NANOS3: variants seen among roughly 807,000 people sequenced by gnomAD.
NANOS3 encodes the protein nanos homolog 3.
A neutral mutation model predicts 13.8 loss-of-function variants in NANOS3; 11 were observed. The ratio of observed to expected loss-of-function variants is 0.80; its 90% CI spans 0.50 to 1.32. The LOEUF (loss-of-function observed/expected upper bound fraction) is 1.32, where lower values mean the gene tolerates loss of function less well. NANOS3 is among the 40% of genes most tolerant of loss of function. The pLI, the probability that NANOS3 is intolerant of heterozygous loss-of-function variation, is 0.00. For synonymous variants in NANOS3, 119 were observed against 115.4 expected (o/e 1.03, Z -0.20); for missense variants, 221 against 263.8 (o/e 0.84, Z 1.12).
chr19:13,879,989 G>A (rs531221589), intron 1 of NANOS3, among the ~76,000 whole-genome samples: 1 of 152,292 alleles, frequency 6.6e-6, no homozygotes, highest in South Asian at 2.1e-4. Context: ...TCACGTCACT[G>A]CACTCCAGCC....
At chr19:13,870,834 C>T (rs569742232) in intron 1 of NANOS3, among the ~76,000 whole-genome samples, 1 of 151,906 alleles carries the variant, frequency 6.6e-6, no homozygotes, top group African/African-American at 2.4e-5. Context: ...CCCGCCTCGG[C>T]CTCCCAAAGT....
upstream of NANOS3, among the ~76,000 whole-genome samples, chr19:13,863,918 C>T (rs113425845): frequency 1.1e-3 from 161 of 151,996 alleles, 2 homozygotes; most frequent in Middle Eastern, 0.014. Flanking sequence ...GAGGGGTGCG[C>T]GATCAGGTGG....
At chr19:13,865,784 G>A (rs1976227816) in intron 1 of NANOS3, among the ~76,000 whole-genome samples, 2 of 150,792 alleles carry the variant, frequency 1.3e-5, no homozygotes, top group African/African-American at 4.9e-5. Context: ...GCGATGGGGG[G>A]CGTGGGGACA....
At chr19:13,870,947 C>T (rs552933605) in intron 1 of NANOS3, among the ~76,000 whole-genome samples, 4 of 151,930 alleles carry the variant, frequency 2.6e-5, no homozygotes, top group African/African-American at 7.2e-5. Context: ...CCCAGAAAGA[C>T]CCTCCCAGCT....
upstream of NANOS3, among the ~76,000 whole-genome samples, chr19:13,863,789 C>A (rs543472356): frequency 6.6e-6 from 1 of 152,098 alleles, no homozygotes; most frequent in African/African-American, 2.4e-5. Context: ...CATCCACTCT[C>A]CTGGACCTGG....
At chr19:13,872,432 C>G (rs749311024), upstream of NANOS3, among the ~76,000 whole-genome samples, 6 of 152,004 alleles carry the variant, frequency 3.9e-5, no homozygotes, top group Non-Finnish European at 8.8e-5. Flanking sequence ...TCCAGCCATC[C>G]TCCTGCCTCC....
chr19:13,870,241 G>T (rs1243529829), intron 1 of NANOS3, among the ~76,000 whole-genome samples: 2 of 151,904 alleles, frequency 1.3e-5, no homozygotes, highest in African/African-American at 4.8e-5. Flanking sequence ...CACCACACCC[G>T]GCTAAGTTTT....
At chr19:13,877,002 C>A (rs1968526324), upstream of NANOS3, among the ~76,000 whole-genome samples, 1 of 152,170 alleles carries the variant, frequency 6.6e-6, no homozygotes, top group Admixed American at 6.5e-5. Context: ...AGCCAGAGGC[C>A]ATACAGCCCT....
upstream of NANOS3, among the ~76,000 whole-genome samples, chr19:13,873,016 T>C (rs10415733): frequency 0.045 from 6,248 of 139,278 alleles, 495 homozygotes; most frequent in African/African-American, 0.16. Flanking sequence ...TAGTGGGGGG[T>C]TGGGCTTCGT....
chr19:13,864,241 T>C (rs1231906681), upstream of NANOS3, among the ~76,000 whole-genome samples: 1 of 152,108 alleles, frequency 6.6e-6, no homozygotes. Context: ...GAGTACCGTC[T>C]GTGCAAGGAT....
Position 13,877,390 on chromosome 19 carries a change from C to CCGATGCCAGCGCCGGAGT in NANOS3, c.145_162dup (p.Met49_Ser54dup). On this transcript the variant is annotated inframe_insertion, in exon 1 of 2. Transcript: ENST00000339133. ...GCTGGAGCCGGTGTCAGCCCTGGAG[C>CCGATGCCAGCGCCGGAGT]CGATGCCAGCGCCGGAGTCGGTGCC... 1 of 1,612,430 alleles carries CCGATGCCAGCGCCGGAGT rather than the reference C, an allele frequency of 6.2e-7. No homozygotes were observed. The highest frequency in any genetic ancestry group is 1.3e-5 in the African/African-American group (1 of 75,048).
rs368615413 is a variant in NANOS3 at position 13,880,695 on chromosome 19, C to T, written c.*192C>T. ...GGACCCCACCCTTTGTGCCATCTGC[C>T]GTTTCCCTAGTGCTGGGCATCCAGT... On this transcript the variant is annotated 3_prime_UTR_variant, in exon 2 of 2. Transcript: ENST00000339133. 9.1e-5 allele frequency: 54 copies of T among 590,284 alleles called. No homozygotes were observed. Among genetic ancestry groups the T allele is most frequent in the Non-Finnish European group, 1.5e-4 (50 of 331,438 alleles). 36.6% of individuals were successfully genotyped at this position (590,284 alleles called of 1,614,324 possible).
rs916548153 is a variant in NANOS3, at chr19:13,880,470, T to C, written c.546T>C (p.Pro182=). The stretch of plus-strand genomic sequence containing the variant: ...TCAGAGGTGCCGGGAAGTCTGAGCC[T>C]TCGCCCTCCTGCTCTCCCTCCATGT... ...AGFRGAGKSE[P]SPSCSPSMST is the part of the protein sequence containing the mutation. Residue 182 remains proline, a synonymous_variant, in exon 2 of 2, where the codon CCT becomes CCC. Coordinates refer to ENST00000339133, the MANE Select transcript of NANOS3 (RefSeq NM_001098622.3). The C allele has an allele frequency of 2.5e-6, 4 of 1,613,858 alleles. No individual in the cohort carries two copies. In the African/African-American group the frequency reaches 4.0e-5, roughly 16 times the overall value.
At chr19:13,869,768 ACG>A (rs1490469055) in intron 1 of NANOS3, among the ~76,000 whole-genome samples, 6 of 149,558 alleles carry the variant, frequency 4.0e-5, no homozygotes, top group Non-Finnish European at 8.9e-5. Flanking sequence ...ACACACACAC[ACG>A]CACGCACACA....
upstream of NANOS3, among the ~76,000 whole-genome samples, chr19:13,864,289 T>C (rs1452512613): frequency 6.6e-6 from 1 of 152,134 alleles, no homozygotes; most frequent in Admixed American, 6.5e-5. Flanking sequence ...TTTGTACAGC[T>C]TGCATGTGGT....
upstream of NANOS3, among the ~76,000 whole-genome samples, chr19:13,872,796 C>T (rs912859685): frequency 2.0e-5 from 3 of 152,116 alleles, no homozygotes; most frequent in African/African-American, 7.2e-5. Context: ...GGCGGATGAG[C>T]TGCGAGAGAG....
rs562170989 is a variant in NANOS3, at chr19:13,878,671, G to A, written c.517+906G>A. On this transcript the variant is annotated intron_variant, in intron 1 of 1. Transcript: ENST00000339133. ...ATCCACCCAGGCTGGATGGAGTTCA[G>A]TGGTGCGATCTTGGCTCACTGCAAC... 2.3e-4 allele frequency among the ~76,000 whole-genome samples: 35 copies of A among 149,048 alleles called. No homozygotes were observed. In the South Asian group the frequency reaches 7.2e-3, roughly 31 times the overall value.
chr19:13,879,367 T>C (rs1968582302), intron 1 of NANOS3, among the ~76,000 whole-genome samples: 1 of 152,178 alleles, frequency 6.6e-6, no homozygotes, highest in South Asian at 2.1e-4. Context: ...GACTGTGAGC[T>C]CCTGGAGGAT....
upstream of NANOS3, among the ~76,000 whole-genome samples, chr19:13,872,136 G>A (rs1489505726): frequency 6.6e-6 from 1 of 152,184 alleles, no homozygotes; most frequent in Non-Finnish European, 1.5e-5. Context: ...GGGAGGCCCA[G>A]GAGTTGGAGA....
Sources: gnomAD v4.1 joint callset for allele counts (sites outside exome capture counted in the v4.1 genomes callset) on GRCh38, gnomAD v4.1.1 for gene constraint, MANE v1.5 for transcripts, NCBI Gene and HGNC (gene_info 2026-07-23, HGNC 2026-07-21) for gene names.